MID1: variants seen among roughly 807,000 people sequenced by gnomAD.
MID1 encodes the protein E3 ubiquitin-protein ligase Midline-1.
A neutral mutation model predicts 40.4 loss-of-function variants in MID1; 7 were observed. That is an observed-to-expected ratio of 0.17 (90% CI 0.10 to 0.33). The LOEUF (loss-of-function observed/expected upper bound fraction) is 0.33, where lower values mean the gene tolerates loss of function less well. MID1 is among the 10% of genes least tolerant of loss of function. MID1 has a pLI of 1.00. For synonymous variants in MID1, 229 were observed against 221.2 expected, an observed-to-expected ratio of 1.04 and a Z score of -0.31; for missense variants, 367 against 558.5, an observed-to-expected ratio of 0.66 and a Z score of 3.46.
intron 1 of MID1, among the ~76,000 whole-genome samples, chrX:10,677,001 C>T (rs1161797190): frequency 5.4e-5 from 6 of 111,755 alleles, no homozygotes; most frequent in African/African-American, 2.0e-4. Context: ...TAATTCCAAA[C>T]GAGTTATGTA....
chrX:10,494,521 A>G, intron 4 of MID1, among the ~76,000 whole-genome samples: 1 of 111,291 alleles, frequency 9.0e-6, no homozygotes. Flanking sequence ...TCATCCCAGC[A>G]TTTTAGGAGG....
At chrX:10,533,411 G>GA (rs1555900731) in intron 2 of MID1, among the ~76,000 whole-genome samples, 9 of 89,323 alleles carry the variant, frequency 1.0e-4, no homozygotes, top group Admixed American at 1.0e-3. Context: ...AAGAAAGAAA[G>GA]AAAGAAAGAA....
chrX:10,721,283 G>A (rs944794849), intron 1 of MID1, among the ~76,000 whole-genome samples: 3 of 111,214 alleles, frequency 2.7e-5, no homozygotes, highest in African/African-American at 9.8e-5. Flanking sequence ...CCATACATAT[G>A]TGTGTATGTG....
chrX:10,558,080 AAC>A (rs1934194515), intron 2 of MID1, among the ~76,000 whole-genome samples: 1 of 110,025 alleles, frequency 9.1e-6, no homozygotes, highest in Non-Finnish European at 1.9e-5. Context: ...AAAAAAAAAA[AAC>A]ACTTCACTAT....
At chrX:10,744,916 T>C (rs952539250) in intron 1 of MID1, among the ~76,000 whole-genome samples, 2 of 111,961 alleles carry the variant, frequency 1.8e-5, no homozygotes, top group African/African-American at 3.3e-5. Context: ...AATCCTGCCA[T>C]TGGGATTTAA....
rs1347689249 is a variant in MID1 at position 10,800,638 on chromosome X, T to C, written c.-187+32916A>G. ...CCATGGAAGATAATGATGCTAGTTT[T>C]TGAGGTGACAGATACCTCAACTCTC... On this transcript the variant is annotated intron_variant, in intron 1 of 10. Coordinates refer to the MID1 transcript ENST00000380785. 4.5e-5 allele frequency among the ~76,000 whole-genome samples: 5 copies of C among 111,804 alleles called. No homozygotes were observed. The East Asian group carries it at 1.4e-3, about 32-fold the overall frequency.
intron 1 of MID1, among the ~76,000 whole-genome samples, chrX:10,618,884 G>A (rs766964120): frequency 1.8e-5 from 2 of 111,713 alleles, no homozygotes; most frequent in South Asian, 7.6e-4. Flanking sequence ...AATGTTTTGC[G>A]TTCCTCTTTT....
At chrX:10,752,579 C>T (rs1259373772) in intron 1 of MID1, among the ~76,000 whole-genome samples, 1 of 111,445 alleles carries the variant, frequency 9.0e-6, no homozygotes, top group Non-Finnish European at 1.9e-5. Context: ...GCCTATTTGC[C>T]TAGAATCCTG....
intron 1 of MID1, among the ~76,000 whole-genome samples, chrX:10,672,411 C>T (rs2042993601): frequency 9.0e-6 from 1 of 111,170 alleles, no homozygotes; most frequent in African/African-American, 3.3e-5. Flanking sequence ...TCTAAGGATG[C>T]AAGATGGGAA....
chrX:10,533,391 AAAAGAAAGAAAGAAAG>A (rs748385663), intron 2 of MID1, among the ~76,000 whole-genome samples: 28 of 55,081 alleles, frequency 5.1e-4, no homozygotes, highest in Middle Eastern at 8.7e-3. Flanking sequence ...AGAAAGAAAG[AAAAGAAAGAAAGAAAG>A]AAAGAAAGAA....
chrX:10,806,127 T>G (rs1221915002), intron 1 of MID1, among the ~76,000 whole-genome samples: 1 of 108,900 alleles, frequency 9.2e-6, no homozygotes, highest in Non-Finnish European at 1.9e-5. Flanking sequence ...TTTTGGTGTT[T>G]TAGACATGAA....
intron 1 of MID1, among the ~76,000 whole-genome samples, chrX:10,717,026 AAAGAGCTCCTG>A (rs1174487629): frequency 8.9e-6 from 1 of 111,818 alleles, no homozygotes; most frequent in East Asian, 2.8e-4. Context: ...GCCTGCCCTA[AAAGAGCTCCTG>A]AAGGAAGCAC....
intron 2 of MID1, among the ~76,000 whole-genome samples, chrX:10,545,628 T>C (rs148203133): frequency 1.5e-3 from 164 of 111,862 alleles, no homozygotes; most frequent in African/African-American, 5.1e-3. Context: ...AAGAAAAAAT[T>C]GTACCAATAC....
At chrX:10,477,460 C>A (rs2147291633) in intron 5 of MID1, among the ~76,000 whole-genome samples, 1 of 112,253 alleles carries the variant, frequency 8.9e-6, no homozygotes, top group African/African-American at 3.2e-5. Flanking sequence ...CTTTTAACAC[C>A]TACACATTTG....
At chrX:10,668,520 C>CTTT (rs1371212515) in intron 1 of MID1, among the ~76,000 whole-genome samples, 1 of 112,040 alleles carries the variant, frequency 8.9e-6, no homozygotes, top group Non-Finnish European at 1.9e-5. Context: ...TTTCCTTTTA[C>CTTT]TTAGAAGTTT....
At chrX:10,591,039 A>G in intron 1 of MID1, among the ~76,000 whole-genome samples, 1 of 111,976 alleles carries the variant, frequency 8.9e-6, no homozygotes, top group East Asian at 2.8e-4. Flanking sequence ...GCTTTTAAAC[A>G]TTAAAAAAAA....
chrX:10,450,510 ATTTAT>A (rs1434670228), intron 9 of MID1, among the ~76,000 whole-genome samples: 2 of 112,645 alleles, frequency 1.8e-5, no homozygotes, highest in East Asian at 5.5e-4. Flanking sequence ...AGTAACTGCT[ATTTAT>A]TTTATTATTA....
chrX:10,637,363 G>C (rs960646575), intron 1 of MID1, among the ~76,000 whole-genome samples: 16 of 109,635 alleles, frequency 1.5e-4, no homozygotes, highest in African/African-American at 5.0e-4. Flanking sequence ...CCTGCCAGAG[G>C]TGATGGAATT....
intron 1 of MID1, among the ~76,000 whole-genome samples, chrX:10,760,288 T>C (rs755477685): frequency 9.0e-6 from 1 of 111,672 alleles, no homozygotes; most frequent in East Asian, 2.8e-4. Flanking sequence ...CGTTTCTCTT[T>C]TCATTCTTCT....
Sources: allele counts gnomAD v4.1 joint callset (sites outside exome capture counted in the v4.1 genomes callset), GRCh38; gene constraint gnomAD v4.1.1; transcripts MANE v1.5; gene names NCBI Gene and HGNC (gene_info 2026-07-23, HGNC 2026-07-21).